The following JMY variants were observed in gnomAD, a reference collection of about 807,000 sequenced individuals.
JMY encodes junction mediating and regulatory protein, p53 cofactor, also known as junction-mediating and -regulatory protein.
In JMY, 46 loss-of-function variants were observed where a neutral mutation model predicts 103.3. That is an observed-to-expected ratio of 0.45 (90% CI 0.35 to 0.57). The LOEUF is 0.57. JMY is among the 20% of genes least tolerant of loss of function. JMY has a pLI of 0.00. For synonymous variants in JMY, 526 were observed against 489.3 expected (o/e 1.07, Z -0.99); for missense variants, 1,238 against 1,255.2 (o/e 0.99, Z 0.21).
intron 7 of JMY, among the ~76,000 whole-genome samples, chr5:79,307,270 A>C (rs1427994704): frequency 6.6e-6 from 1 of 152,236 alleles, no homozygotes; most frequent in Non-Finnish European, 1.5e-5. Context: ...AACAAGGAGC[A>C]TGAATGCTGG....
chr5:79,271,593 C>G (rs1305119150), intron 1 of JMY, among the ~76,000 whole-genome samples: 1 of 152,126 alleles, frequency 6.6e-6, no homozygotes, highest in Non-Finnish European at 1.5e-5. Context: ...GTTGTTTCTA[C>G]TGAATTTTTT....
At position 79,258,672 on chromosome 5, in the gene JMY, G is replaced by C. The variant is rs556863243; in HGVS notation, c.1033-19238G>C. On this transcript the variant is annotated intron_variant, in intron 1 of 10. Transcript: ENST00000396137. ...TCCCTATGAGGCTGTGGCTGGACCA[G>C]GGATACCATAAGCAGTTTCCATGGC... Among the ~76,000 whole-genome samples the C allele has an allele frequency of 4.4e-3, 665 of 152,270 alleles. 6 individuals carry two copies. The highest frequency in any genetic ancestry group is 0.014 in the African/African-American group (562 of 41,566).
At chr5:79,239,894 CA>C (rs1172092637) in intron 1 of JMY, among the ~76,000 whole-genome samples, 2 of 151,770 alleles carry the variant, frequency 1.3e-5, no homozygotes, top group Non-Finnish European at 2.9e-5. Context: ...AATAAGCTCT[CA>C]AAAAATATAA....
chr5:79,243,869 A>G lies in JMY; in HGVS notation c.1032+6187A>G, dbSNP rs145908234. Among the ~76,000 whole-genome samples the G allele has an allele frequency of 5.6e-3, 847 of 152,354 alleles. 8 individuals carry two copies. Among genetic ancestry groups the G allele is most frequent in the Non-Finnish European group, 9.3e-3 (635 of 68,030 alleles). Reference sequence around the variant, plus strand: ...TATATGCTTCTAGTTTAGGGCTTCTATAAAACAAAAACATGGAGACTGGTA... The same window carrying G: ...TATATGCTTCTAGTTTAGGGCTTCTGTAAAACAAAAACATGGAGACTGGTA... On this transcript the variant is annotated intron_variant, in intron 1 of 10. Coordinates refer to ENST00000396137, the MANE Select transcript of JMY (RefSeq NM_152405.5).
rs1747596716 is a variant in JMY at position 79,325,258 on chromosome 5, A to G, written c.*3656A>G. The G allele has an allele frequency of 6.6e-6, 1 of 152,174 alleles. No individual in the cohort carries two copies. Among genetic ancestry groups the G allele is most frequent in the Non-Finnish European group, 1.5e-5 (1 of 68,004 alleles). The allele number at this position is 152,174 out of a possible 1,614,324, so 9.4% of individuals were successfully genotyped here. The stretch of plus-strand genomic sequence containing the variant: ...CTTTTTTCAGCTTTATTATTGAAGT[A>G]TTACAAACTTAACATCAGATACCAA... On this transcript the variant is annotated 3_prime_UTR_variant, in exon 11 of 11. Transcript: ENST00000396137.
intron 9 of JMY, among the ~76,000 whole-genome samples, chr5:79,315,182 G>A (rs764374551): frequency 2.8e-4 from 43 of 152,112 alleles, no homozygotes; most frequent in Non-Finnish European, 7.4e-5. Flanking sequence ...TATCAGAAAG[G>A]GTAAGATATC....
chr5:79,314,969 A>T, intron 9 of JMY, 118 bp downstream of exon 9: 1 of 952,960 alleles, frequency 1.0e-6, no homozygotes. Context: ...TTGATAGTAA[A>T]CAGGTTTTCA....
chr5:79,266,688 A>G lies in JMY; in HGVS notation c.1033-11222A>G, dbSNP rs560050363. 1.1e-3 allele frequency among the ~76,000 whole-genome samples: 165 copies of G among 152,270 alleles called. 5 individuals carry two copies. The South Asian group carries it at 0.033, about 31-fold the overall frequency. ...TTGAATACCAGAATTTATTCCTTCT[A>G]ACTGTATTTTTGTATCCATTAACCA... On this transcript the variant is annotated intron_variant, in intron 1 of 10. Coordinates refer to ENST00000396137, the MANE Select transcript of JMY (RefSeq NM_152405.5).
intron 4 of JMY, among the ~76,000 whole-genome samples, chr5:79,299,219 A>C (rs1746657163): frequency 6.6e-6 from 1 of 152,132 alleles, no homozygotes; most frequent in Admixed American, 6.6e-5. Flanking sequence ...CTAAGCATGA[A>C]CCTTTAAACT....
intron 5 of JMY, 85 bp downstream of exon 5, chr5:79,300,403 A>G: frequency 7.5e-7 from 1 of 1,334,092 alleles, no homozygotes; most frequent in Non-Finnish European, 1.0e-6. Flanking sequence ...TTCTTTTGTT[A>G]AGACATTTAA....
At chr5:79,243,466 A>G (rs1228133651) in intron 1 of JMY, among the ~76,000 whole-genome samples, 1 of 152,208 alleles carries the variant, frequency 6.6e-6, no homozygotes, top group Non-Finnish European at 1.5e-5. Flanking sequence ...TATGATTCCA[A>G]TGAAGAGAGC....
At chr5:79,268,908 A>G (rs1205382820) in intron 1 of JMY, among the ~76,000 whole-genome samples, 2 of 152,172 alleles carry the variant, frequency 1.3e-5, no homozygotes, top group Admixed American at 1.3e-4. Flanking sequence ...TTTTGGTAAC[A>G]GTCTTTTATC....
chr5:79,322,802 C>T lies in JMY; in HGVS notation c.*1200C>T, dbSNP rs1747501410. On this transcript the variant is annotated 3_prime_UTR_variant, in exon 11 of 11. Coordinates refer to ENST00000396137, the MANE Select transcript of JMY (RefSeq NM_152405.5). ...AGATCATTGGACTCAGTGTGCAGTACCCTGTACATATAATTCTGCATAAGA... is the reference window on the plus strand; with the variant it reads ...AGATCATTGGACTCAGTGTGCAGTATCCTGTACATATAATTCTGCATAAGA... 1 of 152,090 alleles carries T rather than the reference C, an allele frequency of 6.6e-6. No homozygotes were observed. Among genetic ancestry groups the T allele is most frequent in the Non-Finnish European group, 1.5e-5 (1 of 68,034 alleles). 9.4% of individuals were successfully genotyped at this position (152,090 alleles called of 1,614,324 possible).
At chr5:79,242,079 A>T (rs769726690) in intron 1 of JMY, among the ~76,000 whole-genome samples, 4 of 152,212 alleles carry the variant, frequency 2.6e-5, no homozygotes, top group Non-Finnish European at 5.9e-5. Context: ...ATTAAGATCT[A>T]ATCATCAGTG....
intron 2 of JMY, among the ~76,000 whole-genome samples, chr5:79,280,639 ATACAT>A (rs1246539452): frequency 3.3e-5 from 5 of 152,228 alleles, no homozygotes; most frequent in Non-Finnish European, 7.3e-5. Flanking sequence ...TTAGCAACTC[ATACAT>A]TACATTAGAT....
Position 79,236,433 on chromosome 5 carries a change from C to A in JMY, c.-218C>A, listed in dbSNP as rs976447084. 4 of 389,724 alleles carry A rather than the reference C, an allele frequency of 1.0e-5. No individual in the cohort carries two copies. Among genetic ancestry groups the A allele is most frequent in the Admixed American group, 4.6e-5 (1 of 21,806 alleles). The allele number at this position is 389,724 out of a possible 1,614,324, so 24.1% of individuals were successfully genotyped here. ...CAGGTGACCATGTGAACTACCTGCTCCCGGGACGCTTATTGTCCTTCTCTC... is the reference window on the plus strand; with the variant it reads ...CAGGTGACCATGTGAACTACCTGCTACCGGGACGCTTATTGTCCTTCTCTC... On this transcript the variant is annotated 5_prime_UTR_variant, in exon 1 of 11. Coordinates refer to ENST00000396137, the MANE Select transcript of JMY (RefSeq NM_152405.5).
intron 1 of JMY, among the ~76,000 whole-genome samples, chr5:79,258,311 G>GTTTTTTTTT (rs1491360478): frequency 7.3e-5 from 6 of 81,812 alleles, no homozygotes; most frequent in African/African-American, 1.9e-4. Flanking sequence ...TTTTGTTTTT[G>GTTTTTTTTT]TTGTTTTTTT....
chr5:79,245,166 T>A (rs1744851897), intron 1 of JMY, among the ~76,000 whole-genome samples: 1 of 152,182 alleles, frequency 6.6e-6, no homozygotes, highest in African/African-American at 2.4e-5. Flanking sequence ...GGAGGATTTT[T>A]AAGGATAAAT....
intron 2 of JMY, among the ~76,000 whole-genome samples, chr5:79,288,259 G>A (rs1001953873): frequency 2.0e-5 from 3 of 152,108 alleles, no homozygotes; most frequent in Admixed American, 1.3e-4. Flanking sequence ...AAAGCAAGCA[G>A]GCTGGACTGC....
Sources: allele counts gnomAD v4.1 joint callset (sites outside exome capture counted in the v4.1 genomes callset), GRCh38; gene constraint gnomAD v4.1.1; transcripts MANE v1.5; gene names NCBI Gene and HGNC (gene_info 2026-07-23, HGNC 2026-07-21).